Variants in NTN1 observed in about 807,000 individuals in gnomAD.
NTN1 encodes the protein netrin 1.
NTN1 carries 11 observed loss-of-function variants against 54.2 expected under a neutral mutation model. The observed-to-expected ratio is 0.20, with a 90% CI of 0.13 to 0.34. The LOEUF (loss-of-function observed/expected upper bound fraction) is 0.34, where lower values mean the gene tolerates loss of function less well. NTN1 is among the 10% of genes least tolerant of loss of function. NTN1 has a pLI of 1.00. For synonymous variants in NTN1, 371 were observed against 382.0 expected (o/e 0.97, Z 0.33); for missense variants, 740 against 893.1 (o/e 0.83, Z 2.18).
chr17:9,098,553 A>G (rs1269507972), intron 2 of NTN1, among the ~76,000 whole-genome samples: 2 of 152,192 alleles, frequency 1.3e-5, no homozygotes, highest in African/African-American at 2.4e-5. Flanking sequence ...CGAGAACCTC[A>G]TCTGTGAGGT....
intron 2 of NTN1, among the ~76,000 whole-genome samples, chr17:9,113,354 T>G (rs1014479988): frequency 1.2e-4 from 18 of 151,840 alleles, no homozygotes; most frequent in Non-Finnish European, 2.5e-4. Context: ...GAAATACATA[T>G]AAAAAAAGGG....
chr17:9,086,678 T>G (rs1292081067), intron 2 of NTN1, among the ~76,000 whole-genome samples: 1 of 152,200 alleles, frequency 6.6e-6, no homozygotes, highest in East Asian at 1.9e-4. Flanking sequence ...TCACCATTGA[T>G]GTCATCATCA....
chr17:9,031,796 C>A (rs947755123), intron 2 of NTN1, among the ~76,000 whole-genome samples: 3 of 151,612 alleles, frequency 2.0e-5, no homozygotes, highest in Non-Finnish European at 4.4e-5. Context: ...AATACAAAAA[C>A]AAACAAACAA....
At chr17:9,161,242 G>A (rs2142297437) in intron 2 of NTN1, among the ~76,000 whole-genome samples, 1 of 152,316 alleles carries the variant, frequency 6.6e-6, no homozygotes, top group Admixed American at 6.5e-5. Context: ...TGGGGGATGA[G>A]AAGGAGGCAG....
intron 2 of NTN1, among the ~76,000 whole-genome samples, chr17:9,027,577 A>C (rs912359056): frequency 1.3e-5 from 2 of 152,162 alleles, no homozygotes; most frequent in African/African-American, 4.8e-5. Flanking sequence ...GTGTAGGAGA[A>C]AGGCTGGAAC....
chr17:9,109,899 C>T (rs1355317389), intron 2 of NTN1, among the ~76,000 whole-genome samples: 1 of 152,160 alleles, frequency 6.6e-6, no homozygotes, highest in African/African-American at 2.4e-5. Context: ...TGTTTATTGG[C>T]TATTTAGGTT....
chr17:9,012,692 A>T, the NTN1 span, among the ~76,000 whole-genome samples: 1 of 152,014 alleles, frequency 6.6e-6, no homozygotes, highest in African/African-American at 2.4e-5. Flanking sequence ...TCCTTCCCCA[A>T]GTACCTGCTT....
At chr17:9,076,562 A>C (rs1463316616) in intron 2 of NTN1, among the ~76,000 whole-genome samples, 2 of 151,822 alleles carry the variant, frequency 1.3e-5, no homozygotes, top group African/African-American at 4.8e-5. Flanking sequence ...TTTTGTGGAG[A>C]TAGGGGTCTC....
At chr17:9,177,250 A>G (rs1429594808) in intron 3 of NTN1, 1 of 152,290 alleles carries the variant, frequency 6.6e-6, no homozygotes, top group Non-Finnish European at 1.5e-5. Context: ...CCCTGCCATT[A>G]CCGGGGACGG....
At chr17:9,220,102 G>A (rs1437675454) in intron 5 of NTN1, among the ~76,000 whole-genome samples, 1 of 152,210 alleles carries the variant, frequency 6.6e-6, no homozygotes, top group Non-Finnish European at 1.5e-5. Flanking sequence ...ACACTGAGGG[G>A]GAATCTGTCA....
At chr17:9,107,183 C>T (rs183157882) in intron 2 of NTN1, among the ~76,000 whole-genome samples, 12 of 152,304 alleles carry the variant, frequency 7.9e-5, no homozygotes, top group Non-Finnish European at 1.2e-4. Context: ...ATCCTTTAAG[C>T]GCCAAATTTG....
At chr17:9,098,320 G>C (rs2092138824) in intron 2 of NTN1, among the ~76,000 whole-genome samples, 1 of 152,222 alleles carries the variant, frequency 6.6e-6, no homozygotes, top group Admixed American at 6.5e-5. Flanking sequence ...AGGGTCTCCA[G>C]CAGTGCCTGC....
chr17:9,021,775 C>T (rs2091848872), intron 1 of NTN1, among the ~76,000 whole-genome samples, 190 bp downstream of exon 1: 2 of 151,612 alleles, frequency 1.3e-5, no homozygotes, highest in African/African-American at 4.8e-5. Flanking sequence ...GCGGGACGCG[C>T]CTGCTAGCAG....
intron 2 of NTN1, among the ~76,000 whole-genome samples, chr17:9,073,343 C>G (rs180725634): frequency 1.6e-4 from 24 of 152,336 alleles, no homozygotes; most frequent in Middle Eastern, 6.8e-3. Context: ...TGGGAAGAAA[C>G]TGAACTTATC....
chr17:9,201,474 A>G (rs1904783785), intron 5 of NTN1, among the ~76,000 whole-genome samples: 1 of 152,118 alleles, frequency 6.6e-6, no homozygotes, highest in African/African-American at 2.4e-5. Context: ...CTCTGAATTA[A>G]CCCTGTTAAC....
Position 9,106,467 on chromosome 17 carries a change from C to CCTTCCTTCCTTCCTTCCTT in NTN1, c.1019-56345_1019-56344insTTCCTTCCTTCCTTCCTTC, listed in dbSNP as rs2092166609. ...AATGGCATTTCCTTCCTTCCTTCCT[C>CCTTCCTTCCTTCCTTCCTT]CCTTCCTTCCTTCCTTCCTTCCTTC... On this transcript the variant is annotated intron_variant, in intron 2 of 6. Coordinates refer to ENST00000173229, the MANE Select transcript of NTN1 (RefSeq NM_004822.3). Among the ~76,000 whole-genome samples the CCTTCCTTCCTTCCTTCCTT allele has an allele frequency of 3.3e-5, 4 of 120,018 alleles. 1 individual carries two copies. Among genetic ancestry groups the CCTTCCTTCCTTCCTTCCTT allele is most frequent in the Non-Finnish European group, 3.5e-5 (2 of 56,422 alleles). 78.7% of individuals were successfully genotyped at this position (120,018 alleles called of 152,430 possible). A position where few individuals can be genotyped will look rare whatever the true frequency, so the allele number is the denominator to read the frequency against.
intron 6 of NTN1, among the ~76,000 whole-genome samples, chr17:9,234,268 A>C (rs974423074): frequency 3.9e-5 from 6 of 152,138 alleles, no homozygotes; most frequent in African/African-American, 1.2e-4. Context: ...TGAACCCCAG[A>C]ATTGCTGAGA....
intron 6 of NTN1, among the ~76,000 whole-genome samples, chr17:9,235,081 G>T (rs77788095): frequency 6.6e-6 from 1 of 150,546 alleles, no homozygotes; most frequent in African/African-American, 2.4e-5. Context: ...TCCTGCCTCA[G>T]CCTCCCCAGT....
chr17:9,161,300 A>G (rs2092356241), intron 2 of NTN1, among the ~76,000 whole-genome samples: 2 of 152,202 alleles, frequency 1.3e-5, no homozygotes, highest in South Asian at 4.1e-4. Context: ...GCATGTCCAG[A>G]GCCCCAGAGG....
Sources: gnomAD v4.1 joint callset for allele counts (sites outside exome capture counted in the v4.1 genomes callset) on GRCh38, gnomAD v4.1.1 for gene constraint, MANE v1.5 for transcripts, NCBI Gene and HGNC (gene_info 2026-07-23, HGNC 2026-07-21) for gene names.